SLF2: variants seen among roughly 807,000 people sequenced by gnomAD.
The protein encoded by SLF2 is SMC5-SMC6 complex localization factor protein 2.
SLF2 carries 68 observed loss-of-function variants against 124.3 expected under a neutral mutation model. That is an observed-to-expected ratio of 0.55 (90% CI 0.45 to 0.67). The LOEUF (loss-of-function observed/expected upper bound fraction) is 0.67. Among genes scored for constraint, SLF2 ranks in the 30% least tolerant of loss-of-function variants. The pLI, the probability that SLF2 is intolerant of heterozygous loss-of-function variation, is 0.00. For missense variants in SLF2, 1,246 were observed against 1,373.7 expected, an observed-to-expected ratio of 0.91 and a Z score of 1.47; for synonymous variants, 480 against 478.8, an observed-to-expected ratio of 1.00 and a Z score of -0.03.
At position 100,937,383 on chromosome 10, in the gene SLF2, A is replaced by G; in HGVS notation, c.2437-19A>G. The stretch of plus-strand genomic sequence containing the variant: ...TTTTCTTTCTTCTTAATATCCTGTC[A>G]TTTCTCTGCTTTTGACAGATGATGT... On this transcript the variant is annotated intron_variant, in intron 9 of 19. Transcript: ENST00000238961. The G allele has an allele frequency of 6.3e-7, 1 of 1,585,442 alleles. No homozygotes were observed. The highest frequency in any genetic ancestry group is 8.7e-7 in the Non-Finnish European group (1 of 1,154,584).
intron 9 of SLF2, among the ~76,000 whole-genome samples, chr10:100,932,686 A>G (rs1849761604): frequency 6.9e-6 from 1 of 144,762 alleles, no homozygotes; most frequent in African/African-American, 2.6e-5. Flanking sequence ...GAGGAGACAA[A>G]CAATAAGTGT....
intron 4 of SLF2, among the ~76,000 whole-genome samples, chr10:100,923,499 T>G (rs2133765127): frequency 6.6e-6 from 1 of 152,188 alleles, no homozygotes; most frequent in Non-Finnish European, 1.5e-5. Context: ...TCATACTGCA[T>G]TGGGACACAG....
chr10:100,922,888 G>T (rs923179407), intron 4 of SLF2, among the ~76,000 whole-genome samples: 8 of 151,022 alleles, frequency 5.3e-5, no homozygotes, highest in Admixed American at 1.3e-4. Context: ...CGATTCTCCT[G>T]TCTTGGCCTC....
chr10:100,942,592 C>T (rs1589959090), intron 11 of SLF2, among the ~76,000 whole-genome samples: 1 of 152,054 alleles, frequency 6.6e-6, no homozygotes, highest in Non-Finnish European at 1.5e-5. Context: ...GATCTCAGCT[C>T]ACTGCAACCT....
At chr10:100,955,106 A>AT (rs1421496009) in intron 17 of SLF2, among the ~76,000 whole-genome samples, 1 of 151,768 alleles carries the variant, frequency 6.6e-6, no homozygotes, top group African/African-American at 2.4e-5. Flanking sequence ...CGCCCGGCTA[A>AT]TTTTTTTGTA....
chr10:100,931,803 C>G (rs1445075527), intron 9 of SLF2, among the ~76,000 whole-genome samples: 1 of 152,116 alleles, frequency 6.6e-6, no homozygotes, highest in African/African-American at 2.4e-5. Flanking sequence ...ATCAGCCTAG[C>G]CAACATGGTG....
intron 9 of SLF2, among the ~76,000 whole-genome samples, chr10:100,932,021 G>A (rs954392564): frequency 2.0e-5 from 3 of 151,924 alleles, no homozygotes; most frequent in African/African-American, 7.3e-5. Context: ...ATATGGGAGG[G>A]CATGGATGGG....
chr10:100,964,715 G>A lies in SLF2; in HGVS notation c.*2803G>A, dbSNP rs568966976. On this transcript the variant is annotated 3_prime_UTR_variant, in exon 20 of 20. Coordinates refer to ENST00000238961, the MANE Select transcript of SLF2 (RefSeq NM_018121.4). ...ATTTTTATCAAAACAAATATAATTG[G>A]TGGGGACTGGCCAGTAATAATGTGT... 6.6e-6 allele frequency: 1 copy of A among 152,532 alleles called. No individual in the cohort carries two copies. Among genetic ancestry groups the A allele is most frequent in the East Asian group, 1.9e-4 (1 of 5,180 alleles). 9.4% of individuals were successfully genotyped at this position (152,532 alleles called of 1,614,324 possible).
Position 100,937,389 on chromosome 10 carries a change from C to A in SLF2, c.2437-13C>A. ...TTCTTCTTAATATCCTGTCATTTCT[C>A]TGCTTTTGACAGATGATGTCAGTTC... is the stretch of plus-strand genomic sequence containing the variant. On this transcript the variant is annotated splice_polypyrimidine_tract_variant and intron_variant, in intron 9 of 19. Coordinates refer to ENST00000238961, the MANE Select transcript of SLF2 (RefSeq NM_018121.4). 6.3e-7 allele frequency: 1 copy of A among 1,592,190 alleles called. No individual in the cohort carries two copies. The highest frequency in any genetic ancestry group is 1.1e-5 in the South Asian group (1 of 90,504).
chr10:100,948,061 T>C (rs1184794881), intron 15 of SLF2, among the ~76,000 whole-genome samples: 1 of 152,220 alleles, frequency 6.6e-6, no homozygotes, highest in African/African-American at 2.4e-5. Flanking sequence ...CTTAGGGTGG[T>C]TGTGGACAAT....
At chr10:100,953,281 A>G (rs1371711885) in intron 17 of SLF2, among the ~76,000 whole-genome samples, 1 of 151,234 alleles carries the variant, frequency 6.6e-6, no homozygotes. Context: ...CGGCCTCCCA[A>G]AGTGCTGGGA....
chr10:100,913,185 C>T lies in SLF2; in HGVS notation c.75C>T (p.Cys25=). 6 of 1,613,184 alleles carry T rather than the reference C, an allele frequency of 3.7e-6. No homozygotes were observed. In the South Asian group the frequency reaches 5.5e-5, roughly 15 times the overall value. ...SPAPGSSPPR[C]HLRPGSTAHA... is the part of the protein sequence containing the mutation. ...CCCCGGGGTCGTCGCCCCCGCGCTG[C>T]CATCTGAGACCCGGTAGTACCGCCC... is the stretch of plus-strand genomic sequence containing the variant. The change falls in exon 1 of 20, where the codon TGC becomes TGT. Residue 25 remains cysteine, a synonymous_variant. Transcript: ENST00000238961.
At chr10:100,944,387 C>T (rs772146935) in intron 12 of SLF2, among the ~76,000 whole-genome samples, 47 of 148,832 alleles carry the variant, frequency 3.2e-4, no homozygotes, top group African/African-American at 1.0e-3. Context: ...CCCAGCTATT[C>T]AGGAGGCTGA....
At chr10:100,941,509 G>A in intron 11 of SLF2, among the ~76,000 whole-genome samples, 1 of 151,854 alleles carries the variant, frequency 6.6e-6, no homozygotes, top group Non-Finnish European at 1.5e-5. Flanking sequence ...TTCATGCCTA[G>A]CCTGGCAAAA....
chr10:100,918,290 A>C, intron 3 of SLF2, 94 bp from the exon 4 acceptor site: 1 of 715,732 alleles, frequency 1.4e-6, no homozygotes, highest in South Asian at 2.1e-5. Context: ...TGCCTTATTC[A>C]ATCTAGAAAT....
chr10:100,942,930 A>G (rs1321903648), intron 11 of SLF2, among the ~76,000 whole-genome samples: 1 of 56,382 alleles, frequency 1.8e-5, no homozygotes, highest in African/African-American at 6.7e-5. Context: ...CACCCCACCC[A>G]CTCTCTCATC....
chr10:100,933,109 C>T (rs1849777946), intron 9 of SLF2, among the ~76,000 whole-genome samples: 1 of 152,042 alleles, frequency 6.6e-6, no homozygotes, highest in South Asian at 2.1e-4. Flanking sequence ...ATCAAAAAAA[C>T]AAACAAAAAA....
Position 100,917,260 on chromosome 10 carries a change from A to G in SLF2, c.875A>G (p.Gln292Arg), listed in dbSNP as rs567752291. ...AAACCAAGGCAGGAACAAAGGAAAC[A>G]GAATGACATCATACCTGGAAAAAAT... ...KYKPRQEQRKQNDIIPGKNNL... is the reference protein window; with the variant it reads ...KYKPRQEQRKRNDIIPGKNNL... Residue 292 changes from glutamine to arginine, a missense_variant, in exon 3 of 20, where the codon CAG becomes CGG. Transcript: ENST00000238961. The G allele has an allele frequency of 1.2e-6, 2 of 1,613,618 alleles. No individual in the cohort carries two copies. Among genetic ancestry groups the G allele is most frequent in the South Asian group, 1.1e-5 (1 of 91,008 alleles).
chr10:100,962,283 A>T lies in SLF2; in HGVS notation c.*371A>T, dbSNP rs190243126. On this transcript the variant is annotated 3_prime_UTR_variant, in exon 20 of 20. Coordinates refer to ENST00000238961, the MANE Select transcript of SLF2 (RefSeq NM_018121.4). ...TCACTTGGATAATCACAGGAAATAT[A>T]TAAGAAAAGAGCTTGGACTAACTTG... is the stretch of plus-strand genomic sequence containing the variant. 6.3e-6 allele frequency: 1 copy of T among 158,752 alleles called. No individual in the cohort carries two copies. The highest frequency in any genetic ancestry group is 6.4e-5 in the Admixed American group (1 of 15,508). The allele number at this position is 158,752 out of a possible 1,614,324, so 9.8% of individuals were successfully genotyped here. A position where few individuals can be genotyped will look rare whatever the true frequency, so the allele number is the denominator to read the frequency against.
Sources: allele counts gnomAD v4.1 joint callset (sites outside exome capture counted in the v4.1 genomes callset), GRCh38; gene constraint gnomAD v4.1.1; transcripts MANE v1.5; gene names NCBI Gene and HGNC (gene_info 2026-07-23, HGNC 2026-07-21).